IMMP2L: variants seen among roughly 807,000 people sequenced by gnomAD.
IMMP2L encodes mitochondrial inner membrane protease subunit 2.
Under a neutral mutation model 19.3 loss-of-function variants are expected in IMMP2L, and 18 were observed. The ratio of observed to expected loss-of-function variants is 0.93; its 90% CI spans 0.64 to 1.38. The LOEUF (loss-of-function observed/expected upper bound fraction) is 1.38. Ranked by LOEUF, IMMP2L falls within the 40% of genes most tolerant of loss-of-function variation. The pLI is 0.00. For missense variants in IMMP2L, 233 were observed against 218.2 expected (o/e 1.07, Z -0.43); for synonymous variants, 76 against 73.0 (o/e 1.04, Z -0.21).
At chr7:110,672,525 A>ATGGTGG (rs1214128189) in intron 5 of IMMP2L, among the ~76,000 whole-genome samples, 1 of 152,124 alleles carries the variant, frequency 6.6e-6, no homozygotes, top group Non-Finnish European at 1.5e-5. Flanking sequence ...CCATTAACCC[A>ATGGTGG]AAAGTCTAAG....
chr7:111,181,282 G>T (rs1217619935), intron 3 of IMMP2L, among the ~76,000 whole-genome samples: 1 of 151,942 alleles, frequency 6.6e-6, no homozygotes, highest in Admixed American at 6.6e-5. Flanking sequence ...AATAAGAATG[G>T]ATAATATTTC....
chr7:111,308,063 A>G (rs996502419), intron 3 of IMMP2L, among the ~76,000 whole-genome samples: 1 of 151,904 alleles, frequency 6.6e-6, no homozygotes, highest in South Asian at 2.1e-4. Context: ...TTAACTTACA[A>G]CTATGCTTGT....
chr7:110,961,661 C>T (rs942487215), intron 4 of IMMP2L, among the ~76,000 whole-genome samples: 2 of 151,570 alleles, frequency 1.3e-5, no homozygotes, highest in African/African-American at 4.8e-5. Flanking sequence ...GGAAACAATC[C>T]TAATATGCAT....
chr7:111,275,837 A>G (rs1033192281), intron 3 of IMMP2L, among the ~76,000 whole-genome samples: 1 of 152,082 alleles, frequency 6.6e-6, no homozygotes, highest in African/African-American at 2.4e-5. Context: ...CTTGGTCCTC[A>G]GCTAGATTGT....
chr7:110,664,447 T>C (rs939053982), intron 5 of IMMP2L, among the ~76,000 whole-genome samples: 6 of 151,926 alleles, frequency 3.9e-5, no homozygotes, highest in African/African-American at 1.5e-4. Flanking sequence ...TGGCAGATGG[T>C]AAAGAATCCC....
chr7:111,038,137 C>G (rs1791530912), intron 3 of IMMP2L, among the ~76,000 whole-genome samples: 1 of 152,110 alleles, frequency 6.6e-6, no homozygotes, highest in African/African-American at 2.4e-5. Context: ...GGTACAGCAG[C>G]ATATCCTAAC....
intron 1 of IMMP2L, among the ~76,000 whole-genome samples, chr7:111,552,391 G>T (rs892011165): frequency 1.3e-5 from 2 of 152,108 alleles, no homozygotes; most frequent in African/African-American, 4.8e-5. Context: ...GGGTTCAAGA[G>T]ATCCTCCTGC....
chr7:111,542,730 CAA>C (rs1848602026), intron 1 of IMMP2L, among the ~76,000 whole-genome samples: 1 of 152,082 alleles, frequency 6.6e-6, no homozygotes, highest in Non-Finnish European at 1.5e-5. Flanking sequence ...GGTAAATGTT[CAA>C]GTCTCATTCA....
chr7:110,803,054 A>G lies in IMMP2L; in HGVS notation c.408+83539T>C, dbSNP rs944673479. 3.3e-5 allele frequency among the ~76,000 whole-genome samples: 5 copies of G among 152,282 alleles called. No individual in the cohort carries two copies. Among genetic ancestry groups the G allele is most frequent in the Admixed American group, 3.3e-4 (5 of 15,284 alleles). On this transcript the variant is annotated intron_variant, in intron 5 of 5. Coordinates refer to ENST00000405709, the MANE Select transcript of IMMP2L (RefSeq NM_032549.4). This position sits in a 1 kb window ranked among gnomAD's most constrained non-coding sequence, Gnocchi z 4.2. ...CAATTACTAGAAGTCTGTCCAGATC[A>G]GCTCCATAGTGGTTTTATGGAGAAT...
At chr7:111,124,372 G>A (rs760548600) in intron 3 of IMMP2L, 23 of 1,613,666 alleles carry the variant, frequency 1.4e-5, no homozygotes, top group Non-Finnish European at 1.9e-5. Flanking sequence ...AGATATTCAG[G>A]CCAATTCAGT....
intron 3 of IMMP2L, among the ~76,000 whole-genome samples, chr7:111,144,357 T>C (rs769200345): frequency 2.6e-5 from 4 of 152,132 alleles, no homozygotes; most frequent in Non-Finnish European, 4.4e-5. Context: ...GTGAGCAAGA[T>C]AGATCATAAT....
chr7:111,139,027 T>C (rs1802618457), intron 3 of IMMP2L, among the ~76,000 whole-genome samples: 1 of 152,164 alleles, frequency 6.6e-6, no homozygotes, highest in Non-Finnish European at 1.5e-5. Context: ...TCATCTCTAT[T>C]GATCCCTTTA....
chr7:111,164,302 G>C (rs1047183434), intron 3 of IMMP2L, among the ~76,000 whole-genome samples: 3 of 152,046 alleles, frequency 2.0e-5, no homozygotes, highest in African/African-American at 4.8e-5. Flanking sequence ...CAACAAGGTA[G>C]AGCTCTGGGA....
intron 4 of IMMP2L, among the ~76,000 whole-genome samples, chr7:110,900,215 T>A (rs910948692): frequency 5.3e-5 from 8 of 151,930 alleles, no homozygotes; most frequent in Admixed American, 2.0e-4. Context: ...AGATCTCAAC[T>A]GAAGAGTCAA....
intron 5 of IMMP2L, among the ~76,000 whole-genome samples, chr7:110,752,517 A>C (rs1407002444): frequency 2.6e-5 from 4 of 152,080 alleles, no homozygotes; most frequent in Non-Finnish European, 5.9e-5. Flanking sequence ...ATATTAAACA[A>C]TACAAAGTCA....
chr7:110,777,759 C>T (rs1415492408), intron 5 of IMMP2L, among the ~76,000 whole-genome samples: 1 of 151,906 alleles, frequency 6.6e-6, no homozygotes, highest in Non-Finnish European at 1.5e-5. Context: ...TTGACAGTTA[C>T]AAGGGAGAAA....
At chr7:110,694,725 C>T (rs1228979529) in intron 5 of IMMP2L, among the ~76,000 whole-genome samples, 2 of 152,102 alleles carry the variant, frequency 1.3e-5, no homozygotes, top group African/African-American at 4.8e-5. Flanking sequence ...AATTTCACTC[C>T]TAGGTATATA....
At chr7:111,072,070 T>C (rs1317240271) in intron 3 of IMMP2L, among the ~76,000 whole-genome samples, 2 of 152,108 alleles carry the variant, frequency 1.3e-5, no homozygotes, top group Non-Finnish European at 2.9e-5. Flanking sequence ...ATAATGATAC[T>C]AATAGCTTAC....
intron 3 of IMMP2L, among the ~76,000 whole-genome samples, chr7:111,384,795 T>C (rs538193255): frequency 1.3e-5 from 2 of 152,298 alleles, no homozygotes; most frequent in South Asian, 4.1e-4. Flanking sequence ...GCATTTTACA[T>C]ACTTTTTACA....
Sources: gnomAD v4.1 joint callset for allele counts (sites outside exome capture counted in the v4.1 genomes callset) on GRCh38, gnomAD v4.1.1 for gene constraint, Gnocchi (gnomAD v3.1) non-coding constraint, MANE v1.5 for transcripts, NCBI Gene and HGNC (gene_info 2026-07-23, HGNC 2026-07-21) for gene names.